Variants in SRRM4 observed in about 807,000 individuals in gnomAD.
SRRM4 encodes the protein serine/arginine repetitive matrix 4, also known as serine/arginine repetitive matrix protein 4.
Under a neutral mutation model 68.9 loss-of-function variants are expected in SRRM4, and 33 were observed. The observed-to-expected ratio is 0.48, with a 90% confidence interval of 0.36 to 0.64. The LOEUF is 0.64. Ranked by LOEUF, SRRM4 falls within the 30% of genes least tolerant of loss-of-function variation. The pLI is 0.00. For synonymous variants in SRRM4, 318 were observed against 318.8 expected, an observed-to-expected ratio of 1.00 and a Z score of 0.03; for missense variants, 817 against 827.1, an observed-to-expected ratio of 0.99 and a Z score of 0.15.
At chr12:119,061,688 AG>A (rs1953813164) in intron 1 of SRRM4, among the ~76,000 whole-genome samples, 1 of 152,202 alleles carries the variant, frequency 6.6e-6, no homozygotes, top group South Asian at 2.1e-4. Context: ...CTGAAAAGAT[AG>A]ATGTGTCCTA....
chr12:119,156,863 C>T lies in SRRM4; in HGVS notation c.*65C>T, dbSNP rs1320969224. ...TGCCAGCCTCCCCCAACCACCTGCCCTCCCCGCCTTCTTGGTGACAAATAG... is the reference window on the plus strand; with the variant it reads ...TGCCAGCCTCCCCCAACCACCTGCCTTCCCCGCCTTCTTGGTGACAAATAG... On this transcript the variant is annotated 3_prime_UTR_variant, in exon 13 of 13. Transcript: ENST00000267260. 2.7e-6 allele frequency: 4 copies of T among 1,457,862 alleles called. No homozygotes were observed. The highest frequency in any genetic ancestry group is 2.5e-5 in the East Asian group (1 of 40,204). 90.3% of individuals were successfully genotyped at this position (1,457,862 alleles called of 1,614,324 possible).
chr12:119,038,372 T>A (rs1295970447), intron 1 of SRRM4, among the ~76,000 whole-genome samples: 1 of 151,884 alleles, frequency 6.6e-6, no homozygotes, highest in East Asian at 1.9e-4. Context: ...CCACCATGCC[T>A]GGCTAATTTT....
intron 1 of SRRM4, among the ~76,000 whole-genome samples, chr12:119,047,818 C>A (rs60978660): frequency 2.3e-4 from 35 of 152,126 alleles, no homozygotes; most frequent in African/African-American, 8.2e-4. Flanking sequence ...TGGAGCAGGT[C>A]ACATGATCAA....
chr12:119,147,263 A>T (rs941440825), intron 9 of SRRM4, among the ~76,000 whole-genome samples: 1 of 152,212 alleles, frequency 6.6e-6, no homozygotes, highest in African/African-American at 2.4e-5. Flanking sequence ...GAAAAGGCAA[A>T]ACTATGGAGA....
chr12:119,094,558 C>T (rs1954031678), intron 1 of SRRM4, among the ~76,000 whole-genome samples: 1 of 152,244 alleles, frequency 6.6e-6, no homozygotes, highest in Non-Finnish European at 1.5e-5. Flanking sequence ...GCATCCCCTG[C>T]AGTCACACGA....
chr12:119,154,183 C>T lies in SRRM4; in HGVS notation c.1392-60C>T. 1.3e-6 allele frequency: 2 copies of T among 1,485,368 alleles called. No homozygotes were observed. The highest frequency in any genetic ancestry group is 1.2e-5 in the South Asian group (1 of 82,336). The allele number at this position is 1,485,368 out of a possible 1,614,324, so 92.0% of individuals were successfully genotyped here. On this transcript the variant is annotated intron_variant, in intron 11 of 12. Transcript: ENST00000267260. This position sits in a 1 kb window ranked among gnomAD's most constrained non-coding sequence, Gnocchi z 4.7. ...AGAAAGGGAGTGTCCCTCTCCCACG[C>T]GCTCACGCAGAAAATCCAGCCCAGC...
At chr12:118,995,968 C>A (rs944892292) in intron 1 of SRRM4, among the ~76,000 whole-genome samples, 3 of 152,126 alleles carry the variant, frequency 2.0e-5, no homozygotes, top group African/African-American at 7.2e-5. Flanking sequence ...TCTATTCATC[C>A]ATTCTACAAC....
intron 1 of SRRM4, among the ~76,000 whole-genome samples, chr12:119,095,312 T>C (rs973525012): frequency 2.0e-4 from 30 of 152,174 alleles, no homozygotes; most frequent in Admixed American, 2.0e-3. Context: ...AGCATGAGAG[T>C]CTAGGCCTAC....
intron 1 of SRRM4, among the ~76,000 whole-genome samples, chr12:119,023,905 AC>A (rs1953531357): frequency 6.6e-6 from 1 of 151,752 alleles, no homozygotes; most frequent in Non-Finnish European, 1.5e-5. Context: ...CTTCCCCTAC[AC>A]CCCGCATTTT....
chr12:119,063,950 C>T (rs1268652310), intron 1 of SRRM4, among the ~76,000 whole-genome samples: 1 of 152,144 alleles, frequency 6.6e-6, no homozygotes, highest in South Asian at 2.1e-4. Context: ...TTTAACATAC[C>T]ATGATCCTGG....
At chr12:119,104,821 T>A (rs1241691772) in intron 2 of SRRM4, among the ~76,000 whole-genome samples, 1 of 152,144 alleles carries the variant, frequency 6.6e-6, no homozygotes, top group African/African-American at 2.4e-5. Flanking sequence ...GCTTTTTTTT[T>A]TAATTTTTTT....
rs893909815 is a variant in SRRM4, at chr12:119,156,683, G to C, written c.1721G>C (p.Ser574Thr). 2 of 1,556,008 alleles carry C rather than the reference G, an allele frequency of 1.3e-6. No individual in the cohort carries two copies. The highest frequency in any genetic ancestry group is 4.8e-5 in the East Asian group (2 of 41,292). Residue 574 changes from serine to threonine, a missense_variant, in exon 13 of 13, where the codon AGC (serine) becomes ACC (threonine). Physicochemically the swap from Ser to Thr is moderately conservative, Grantham distance 58. Coordinates refer to ENST00000267260, the MANE Select transcript of SRRM4 (RefSeq NM_194286.4). ...TRTSSSSSSRSPSPGSRSRSR... is the reference protein window; with the variant it reads ...TRTSSSSSSRTPSPGSRSRSR... ...ACGAGCAGCAGCTCTAGCTCCCGCA[G>C]CCCTAGTCCGGGCTCCCGCAGCCGG...
chr12:119,031,001 A>T (rs1209559658), intron 1 of SRRM4: 1 of 152,226 alleles, frequency 6.6e-6, no homozygotes, highest in African/African-American at 2.4e-5. Flanking sequence ...ATCCTTATAC[A>T]CTAGATATGT....
intron 3 of SRRM4, among the ~76,000 whole-genome samples, chr12:119,116,475 G>A (rs1954180586): frequency 6.6e-6 from 1 of 152,216 alleles, no homozygotes; most frequent in Admixed American, 6.5e-5. Flanking sequence ...ACAGCAGACA[G>A]AAGGAAGCCT....
At chr12:119,150,364 C>T (rs886645330) in intron 9 of SRRM4, among the ~76,000 whole-genome samples, 8 of 152,042 alleles carry the variant, frequency 5.3e-5, no homozygotes, top group Admixed American at 2.6e-4. Context: ...CTCAGCTACT[C>T]GGGAGGCTGA....
At chr12:119,149,628 C>T (rs2136067833) in intron 9 of SRRM4, among the ~76,000 whole-genome samples, 1 of 152,204 alleles carries the variant, frequency 6.6e-6, no homozygotes, top group South Asian at 2.1e-4. Context: ...CAAGCTAAAG[C>T]CAGAATCATA....
chr12:119,007,817 G>A (rs1953425007), intron 1 of SRRM4, among the ~76,000 whole-genome samples: 1 of 152,124 alleles, frequency 6.6e-6, no homozygotes, highest in African/African-American at 2.4e-5. Context: ...CTCCAAGAGG[G>A]GCTCAGACGA....
intron 2 of SRRM4, among the ~76,000 whole-genome samples, chr12:119,106,929 T>C (rs1480911028): frequency 6.6e-6 from 1 of 152,240 alleles, no homozygotes. Flanking sequence ...CCATTCAGTA[T>C]GATATTGGCT....
chr12:119,153,750 C>G, intron 11 of SRRM4, 101 bp downstream of exon 11: 1 of 839,566 alleles, frequency 1.2e-6, no homozygotes, highest in Non-Finnish European at 1.9e-6. Flanking sequence ...CCTTCTTCCT[C>G]TTAGGTCTGA....
Sources: gnomAD v4.1 joint callset for allele counts (sites outside exome capture counted in the v4.1 genomes callset) on GRCh38, gnomAD v4.1.1 for gene constraint, Gnocchi (gnomAD v3.1) non-coding constraint, MANE v1.5 for transcripts, NCBI Gene and HGNC (gene_info 2026-07-23, HGNC 2026-07-21) for gene names.